The following KCNN2 variants were observed in gnomAD, a reference collection of about 807,000 sequenced individuals.
KCNN2 encodes the protein potassium calcium-activated channel subfamily N member 2.
In KCNN2, 24 loss-of-function variants were observed where a neutral mutation model predicts 55.5. That is an observed-to-expected ratio of 0.43 (90% CI 0.31 to 0.61). KCNN2 has a LOEUF of 0.61. Ranked by LOEUF, KCNN2 falls within the 20% of genes least tolerant of loss-of-function variation. KCNN2 has a pLI of 0.08. For synonymous variants in KCNN2, 431 were observed against 336.1 expected (o/e 1.28, Z -3.09); for missense variants, 754 against 853.6 (o/e 0.88, Z 1.45).
intron 2 of KCNN2, among the ~76,000 whole-genome samples, chr5:114,311,847 G>C (rs1043355510): frequency 3.9e-5 from 6 of 152,154 alleles, no homozygotes; most frequent in Non-Finnish European, 8.8e-5. Flanking sequence ...ATTTCTCTGA[G>C]CCTCAGTTCC....
intron 3 of KCNN2, among the ~76,000 whole-genome samples, chr5:114,422,148 T>C (rs751403043): frequency 3.9e-5 from 6 of 152,236 alleles, no homozygotes; most frequent in Non-Finnish European, 7.3e-5. Flanking sequence ...GAACTTGTGC[T>C]GCTACAGGAG....
chr5:114,393,972 T>C (rs2150065082), intron 2 of KCNN2, among the ~76,000 whole-genome samples: 1 of 110,488 alleles, frequency 9.1e-6, no homozygotes, highest in South Asian at 2.5e-4. Context: ...CAACAAATAA[T>C]CATGTACATT....
intron 1 of KCNN2, among the ~76,000 whole-genome samples, chr5:114,169,375 A>G (rs1752983471): frequency 6.6e-6 from 1 of 152,132 alleles, no homozygotes; most frequent in Admixed American, 6.6e-5. Context: ...ACAAAATTCT[A>G]AGACAACATG....
chr5:114,082,075 T>C (rs1750837858), intron 1 of KCNN2, among the ~76,000 whole-genome samples: 1 of 152,040 alleles, frequency 6.6e-6, no homozygotes. Context: ...GAAAAGATGC[T>C]CAAGGCGGGA....
intron 2 of KCNN2, among the ~76,000 whole-genome samples, chr5:114,238,392 G>T (rs769154876): frequency 3.0e-4 from 46 of 152,010 alleles, no homozygotes; most frequent in Admixed American, 1.5e-3. Flanking sequence ...TTGGGAGGCC[G>T]AGGCGGGTGG....
chr5:114,342,837 C>T (rs1376407793), intron 2 of KCNN2, among the ~76,000 whole-genome samples: 1 of 152,070 alleles, frequency 6.6e-6, no homozygotes, highest in Non-Finnish European at 1.5e-5. Flanking sequence ...GACCACTTGC[C>T]CTGATGTGTT....
intron 2 of KCNN2, among the ~76,000 whole-genome samples, chr5:114,341,739 C>A (rs1351772628): frequency 6.6e-6 from 1 of 152,128 alleles, no homozygotes; most frequent in Non-Finnish European, 1.5e-5. Flanking sequence ...CCATAACATA[C>A]TAATGATGAA....
chr5:114,257,915 A>C (rs1369043984), intron 2 of KCNN2, among the ~76,000 whole-genome samples: 1 of 152,122 alleles, frequency 6.6e-6, no homozygotes, highest in Non-Finnish European at 1.5e-5. Context: ...TCCTTGCTTT[A>C]TTCCAATTCT....
intron 1 of KCNN2, among the ~76,000 whole-genome samples, chr5:114,126,600 T>G (rs1751935006): frequency 6.6e-6 from 1 of 152,088 alleles, no homozygotes; most frequent in African/African-American, 2.4e-5. Flanking sequence ...GAATTATGGG[T>G]GGGGACACAG....
chr5:114,330,542 C>G (rs530654310), intron 2 of KCNN2, among the ~76,000 whole-genome samples: 4 of 152,214 alleles, frequency 2.6e-5, no homozygotes, highest in African/African-American at 9.6e-5. Flanking sequence ...GGGCTTATTT[C>G]CTGCCACCTT....
At chr5:114,159,655 C>G (rs1406225030) in intron 1 of KCNN2, among the ~76,000 whole-genome samples, 2 of 152,074 alleles carry the variant, frequency 1.3e-5, no homozygotes, top group African/African-American at 4.8e-5. Context: ...GGTTGGTAAG[C>G]TTTTAATTAT....
At chr5:114,069,016 C>T (rs902450491) in intron 1 of KCNN2, among the ~76,000 whole-genome samples, 13 of 152,040 alleles carry the variant, frequency 8.6e-5, no homozygotes, top group East Asian at 1.9e-4. Context: ...GGTTTCACTA[C>T]GTTGTACAGG....
chr5:114,111,089 G>C (rs1359514853), intron 1 of KCNN2, among the ~76,000 whole-genome samples: 1 of 152,164 alleles, frequency 6.6e-6, no homozygotes. Context: ...ATACTACGAG[G>C]CTCTAGTAAC....
intron 2 of KCNN2, among the ~76,000 whole-genome samples, chr5:114,271,114 C>T (rs1339642521): frequency 6.6e-6 from 1 of 152,118 alleles, no homozygotes; most frequent in Non-Finnish European, 1.5e-5. Context: ...CCTTATTTGG[C>T]CCTGCCCATA....
chr5:114,363,472 G>A (rs949794550), intron 1 of KCNN2, among the ~76,000 whole-genome samples: 21 of 152,210 alleles, frequency 1.4e-4, no homozygotes, highest in Admixed American at 1.4e-3. Flanking sequence ...AAGTTCTCGA[G>A]GCAGTTAAGA....
At chr5:114,443,507 C>T (rs1760293747) in intron 3 of KCNN2, among the ~76,000 whole-genome samples, 1 of 152,130 alleles carries the variant, frequency 6.6e-6, no homozygotes. Context: ...TAAGGAATGC[C>T]TTGCTTCCAC....
chr5:114,261,891 C>T (rs775237535), intron 2 of KCNN2, among the ~76,000 whole-genome samples: 9 of 152,122 alleles, frequency 5.9e-5, no homozygotes, highest in Non-Finnish European at 1.3e-4. Context: ...GAGCTGGGCA[C>T]ATGGTGATGA....
chr5:114,192,694 C>A (rs1753475580), intron 1 of KCNN2, among the ~76,000 whole-genome samples: 1 of 152,064 alleles, frequency 6.6e-6, no homozygotes, highest in Non-Finnish European at 1.5e-5. Flanking sequence ...TTGTATGGCT[C>A]AGGGAGGTCC....
chr5:114,386,303 T>G (rs1292263156), intron 2 of KCNN2, among the ~76,000 whole-genome samples: 5 of 152,178 alleles, frequency 3.3e-5, no homozygotes. Flanking sequence ...ACACAGATTT[T>G]TCTCCCCTTG....
Sources: allele counts gnomAD v4.1 joint callset (sites outside exome capture counted in the v4.1 genomes callset), GRCh38; gene constraint gnomAD v4.1.1; transcripts MANE v1.5; gene names NCBI Gene and HGNC (gene_info 2026-07-23, HGNC 2026-07-21).